SYT2: variants seen among roughly 807,000 people sequenced by gnomAD.
The protein encoded by SYT2 is synaptotagmin-2.
A neutral mutation model predicts 39.9 loss-of-function variants in SYT2; 15 were observed. That is an observed-to-expected ratio of 0.38 (90% CI 0.25 to 0.58). The LOEUF (loss-of-function observed/expected upper bound fraction) is 0.58, where lower values mean the gene tolerates loss of function less well. SYT2 is among the 20% of genes least tolerant of loss of function. SYT2 has a pLI of 0.70. For missense variants in SYT2, 389 were observed against 530.3 expected (o/e 0.73, Z 2.62); for synonymous variants, 181 against 204.5 (o/e 0.89, Z 0.98).
chr1:202,704,430 G>A (rs1654197817), intron 1 of SYT2, among the ~76,000 whole-genome samples: 1 of 152,196 alleles, frequency 6.6e-6, no homozygotes, highest in Non-Finnish European at 1.5e-5. Flanking sequence ...TGGAGGAAAA[G>A]GCGGGAGGAA....
rs1309897439 is a variant in SYT2, at chr1:202,702,442, G to C, written c.-18+7816C>G. On this transcript the variant is annotated intron_variant, in intron 1 of 8. Coordinates refer to ENST00000367268, the MANE Select transcript of SYT2 (RefSeq NM_177402.5). ...CGTGGGAGAGTCAAACTGGGAGAGG[G>C]AGCCCTCCCACAGCCAATTAACTCC... Among the ~76,000 whole-genome samples the C allele has an allele frequency of 6.6e-5, 10 of 152,288 alleles. No homozygotes were observed. In the East Asian group the frequency reaches 1.9e-3, roughly 29 times the overall value.
At chr1:202,691,720 AGG>A (rs1558463329) in intron 1 of SYT2, among the ~76,000 whole-genome samples, 5 of 30,214 alleles carry the variant, frequency 1.7e-4, no homozygotes, top group Admixed American at 5.2e-4. Context: ...GGAGAGGGAG[AGG>A]GAGAGGGGGG....
In SYT2 at chr1:202,604,562, A is replaced by C; in HGVS notation, c.238T>G (p.Cys80Gly). 1 of 1,614,212 alleles carries C rather than the reference A, an allele frequency of 6.2e-7. No homozygotes were observed. The highest frequency in any genetic ancestry group is 8.5e-7 in the Non-Finnish European group (1 of 1,180,050). ...CAGCATTTCTTGCAGATGCAGAAGCAGCAGGTGAGAAGCAGGAGCCCAGCA... is the reference window on the plus strand; with the variant it reads ...CAGCATTTCTTGCAGATGCAGAAGCCGCAGGTGAGAAGCAGGAGCCCAGCA... Reference protein sequence around the residue: ...VVAGLLLLTCCFCICKKCCCK... With the variant: ...VVAGLLLLTCGFCICKKCCCK... The change falls in exon 3 of 9, where the codon TGC (cysteine) becomes GGC (glycine). Residue 80 changes from cysteine (C) to glycine (G), a missense_variant. Physicochemically the swap from Cys to Gly is radical, Grantham distance 159. This residue lies in a region of SYT2 where 280 missense variants were observed against 335.6 expected (regional missense o/e 0.83). Transcript: ENST00000367268.
intron 1 of SYT2, among the ~76,000 whole-genome samples, chr1:202,613,647 T>C (rs1690951904): frequency 2.0e-5 from 3 of 152,200 alleles, no homozygotes; most frequent in East Asian, 1.9e-4. Flanking sequence ...TTTTTGTAGA[T>C]GCCATTTATC....
At chr1:202,606,113 A>G (rs979997073) in intron 1 of SYT2, among the ~76,000 whole-genome samples, 2 of 152,164 alleles carry the variant, frequency 1.3e-5, no homozygotes. Flanking sequence ...TCTTAAAAAA[A>G]ATAGTACATA....
At chr1:202,609,845 A>C (rs1394249520) in intron 1 of SYT2, among the ~76,000 whole-genome samples, 4 of 151,806 alleles carry the variant, frequency 2.6e-5, no homozygotes, top group African/African-American at 7.3e-5. Context: ...TTGCCTGTTC[A>C]CTCTGATGGT....
At chr1:202,694,633 G>A (rs1253904309) in intron 1 of SYT2, among the ~76,000 whole-genome samples, 1 of 151,988 alleles carries the variant, frequency 6.6e-6, no homozygotes, top group Non-Finnish European at 1.5e-5. Flanking sequence ...CACTGATAAA[G>A]GAAGGGGTTC....
At chr1:202,640,945 C>A (rs1691900472) in intron 1 of SYT2, among the ~76,000 whole-genome samples, 1 of 152,184 alleles carries the variant, frequency 6.6e-6, no homozygotes, top group African/African-American at 2.4e-5. Flanking sequence ...CTGCCACCTG[C>A]TTGCTACGCA....
Position 202,678,364 on chromosome 1 carries a change from A to T in SYT2, c.-18+31894T>A, listed in dbSNP as rs113971252. Among the ~76,000 whole-genome samples, 15 of 149,546 alleles carry T rather than the reference A, an allele frequency of 1.0e-4. 1 individual carries two copies. In the East Asian group the frequency reaches 1.8e-3, roughly 18 times the overall value. ...TGTTAACCTTTCTAAATTTTTTTTT[A>T]AATATGGCACTGCAAAGATTCTATG... On this transcript the variant is annotated intron_variant, in intron 1 of 8. Transcript: ENST00000367268.
intron 1 of SYT2, among the ~76,000 whole-genome samples, chr1:202,667,816 G>A (rs920185536): frequency 5.3e-5 from 8 of 152,080 alleles, no homozygotes; most frequent in East Asian, 3.9e-4. Context: ...GGGTTCAAGC[G>A]ATTCTCCTGC....
chr1:202,618,986 G>T (rs570103364), intron 1 of SYT2, among the ~76,000 whole-genome samples: 1 of 152,138 alleles, frequency 6.6e-6, no homozygotes, highest in Non-Finnish European at 1.5e-5. Context: ...GTCCAAGGTC[G>T]CACAGGCATT....
intron 1 of SYT2, among the ~76,000 whole-genome samples, chr1:202,689,911 C>T (rs1572681270): frequency 6.6e-6 from 1 of 151,732 alleles, no homozygotes; most frequent in South Asian, 2.1e-4. Context: ...CACCCCACAG[C>T]TCTGAGTCAG....
Position 202,600,448 on chromosome 1 carries a change from G to T in SYT2, c.828C>A (p.Thr276=), listed in dbSNP as rs1468832474. Residue 276 remains threonine, a synonymous_variant, in exon 7 of 9, where the codon ACC becomes ACA. Coordinates refer to ENST00000367268, the MANE Select transcript of SYT2 (RefSeq NM_177402.5). Reference sequence around the variant, plus strand: ...CGGCCGTGGGCACATAGCGCAGGGAGGTGCAGATGTCGCCCAGCTTCTCCG... The same window carrying T: ...CGGCCGTGGGCACATAGCGCAGGGATGTGCAGATGTCGCCCAGCTTCTCCG... ...EEPEKLGDIC[T]SLRYVPTAGK... 12 of 1,614,202 alleles carry T rather than the reference G, an allele frequency of 7.4e-6. No individual in the cohort carries two copies. The highest frequency in any genetic ancestry group is 1.0e-5 in the Non-Finnish European group (12 of 1,180,014).
At chr1:202,624,740 TGTA>T (rs1373069501) in intron 1 of SYT2, among the ~76,000 whole-genome samples, 10 of 149,086 alleles carry the variant, frequency 6.7e-5, no homozygotes, top group African/African-American at 2.0e-4. Context: ...GTGTGTGGCA[TGTA>T]GTAGGGTGTG....
chr1:202,636,342 G>T (rs1015226533), intron 1 of SYT2: 1 of 985,120 alleles, frequency 1.0e-6, no homozygotes, highest in African/African-American at 1.7e-5. Flanking sequence ...AGCCCAACAT[G>T]CCAGGACCTC....
At chr1:202,627,384 C>T (rs1474264782) in intron 1 of SYT2, 2 of 944,136 alleles carry the variant, frequency 2.1e-6, no homozygotes, top group African/African-American at 1.8e-5. Flanking sequence ...AACTGCCCCC[C>T]AACTCTGGCA....
At chr1:202,641,162 T>C (rs1188451975) in intron 1 of SYT2, among the ~76,000 whole-genome samples, 5 of 152,340 alleles carry the variant, frequency 3.3e-5, no homozygotes, top group East Asian at 3.9e-4. Context: ...TAATAACCAG[T>C]AGAGCCAAGG....
In SYT2 at chr1:202,656,130, A is replaced by G. The variant is rs890552828; in HGVS notation, c.-17-50341T>C. On this transcript the variant is annotated intron_variant, in intron 1 of 8. Coordinates refer to ENST00000367268, the MANE Select transcript of SYT2 (RefSeq NM_177402.5). The stretch of plus-strand genomic sequence containing the variant: ...GGGGAAAGCGGGCTTTGGAACGCAC[A>G]CACACACACACACACGTGCACATAT... Among the ~76,000 whole-genome samples the G allele has an allele frequency of 2.0e-5, 3 of 148,082 alleles. No individual in the cohort carries two copies. In the South Asian group the frequency reaches 6.3e-4, roughly 31 times the overall value.
Position 202,709,777 on chromosome 1 carries a change from C to T in SYT2, c.-18+481G>A, listed in dbSNP as rs577203804. Among the ~76,000 whole-genome samples, 197 of 152,324 alleles carry T rather than the reference C, an allele frequency of 1.3e-3. 1 individual carries two copies. The highest frequency in any genetic ancestry group is 3.4e-3 in the Middle Eastern group (1 of 294). ...TCCGGCTCCCAGCGCCCAGACCCCA[C>T]CCCCCGCCCCACTTCCCACGACGGC... On this transcript the variant is annotated intron_variant, in intron 1 of 8. Transcript: ENST00000367268.
Sources: gnomAD v4.1 joint callset for allele counts (sites outside exome capture counted in the v4.1 genomes callset) on GRCh38, gnomAD v4.1.1 for gene constraint, gnomAD v4.1.1 regional missense constraint, MANE v1.5 for transcripts, NCBI Gene and HGNC (gene_info 2026-07-23, HGNC 2026-07-21) for gene names.